RFX2: variants seen among roughly 807,000 people sequenced by gnomAD.
RFX2 encodes the protein regulatory factor X2, also known as DNA-binding protein RFX2.
RFX2 carries 20 observed loss-of-function variants against 87.8 expected under a neutral mutation model. The ratio of observed to expected loss-of-function variants is 0.23; its 90% CI spans 0.16 to 0.33. The LOEUF (loss-of-function observed/expected upper bound fraction) is 0.33. Among genes scored for constraint, RFX2 ranks in the 10% least tolerant of loss-of-function variants. RFX2 has a pLI of 1.00. For synonymous variants in RFX2, 397 were observed against 431.3 expected (o/e 0.92, Z 0.98); for missense variants, 767 against 1,012.3 (o/e 0.76, Z 3.29).
At chr19:6,025,960 A>G (rs951132162) in intron 6 of RFX2, among the ~76,000 whole-genome samples, 1 of 151,322 alleles carries the variant, frequency 6.6e-6, no homozygotes, top group Admixed American at 6.6e-5. Flanking sequence ...TAATTTTTCT[A>G]TTTTAATAGA....
chr19:6,084,794 C>T (rs1173853300), intron 1 of RFX2, among the ~76,000 whole-genome samples: 2 of 152,012 alleles, frequency 1.3e-5, no homozygotes, highest in East Asian at 3.9e-4. Flanking sequence ...GCCACCACGC[C>T]CGGCTAATTT....
At chr19:6,006,618 T>A (rs2086585909) in intron 12 of RFX2, among the ~76,000 whole-genome samples, 1 of 151,880 alleles carries the variant, frequency 6.6e-6, no homozygotes, top group Admixed American at 6.6e-5. Context: ...CCCGGCTAAA[T>A]CTTTGTATTT....
Position 6,012,853 on chromosome 19 carries a change from AGGGG to A in RFX2, c.899+129_899+132del. The A allele has an allele frequency of 1.1e-6, 1 of 876,460 alleles. No individual in the cohort carries two copies. Among genetic ancestry groups the A allele is most frequent in the African/African-American group, 1.7e-5 (1 of 58,198 alleles). 54.3% of individuals were successfully genotyped at this position (876,460 alleles called of 1,614,324 possible). A position where few individuals can be genotyped will look rare whatever the true frequency, so the allele number is the denominator to read the frequency against. Reference sequence around the variant, plus strand: ...GCTAGACTCACCTCAGTCTCAGCAGAGGGGGATACCTTGGCTTTCCCAGGATGCT... The same window carrying A: ...GCTAGACTCACCTCAGTCTCAGCAGAGATACCTTGGCTTTCCCAGGATGCT... On this transcript the variant is annotated intron_variant, in intron 8 of 17. Transcript: ENST00000303657. This position sits in a 1 kb window ranked among gnomAD's most constrained non-coding sequence, Gnocchi z 4.6.
rs2086440297 is a variant in RFX2, at chr19:5,998,034, A to G, written c.1860-821T>C. Among the ~76,000 whole-genome samples, 1 of 152,096 alleles carries G rather than the reference A, an allele frequency of 6.6e-6. No homozygotes were observed. The highest frequency in any genetic ancestry group is 2.4e-5 in the African/African-American group (1 of 41,420). ...AGTATAAGACCAAAGGGGGCTAGGC[A>G]CGGTCGCTCACACCTGTAATCCCAG... On this transcript the variant is annotated intron_variant, in intron 15 of 17. Transcript: ENST00000303657. The surrounding 1 kb of genome is among the most constrained non-coding windows in gnomAD (Gnocchi z 4.2).
At chr19:6,085,159 TGA>T (rs2087839850) in intron 1 of RFX2, among the ~76,000 whole-genome samples, 1 of 152,056 alleles carries the variant, frequency 6.6e-6, no homozygotes, top group Admixed American at 6.5e-5. Flanking sequence ...GCTATGAACA[TGA>T]GTGTACAAAT....
chr19:6,028,769 C>T (rs1599865789), intron 5 of RFX2, among the ~76,000 whole-genome samples: 1 of 151,972 alleles, frequency 6.6e-6, no homozygotes, highest in Non-Finnish European at 1.5e-5. Flanking sequence ...TAGCTGACCA[C>T]TAAGGTAACT....
chr19:6,073,667 G>C, intron 1 of RFX2: 7 of 245,614 alleles, frequency 2.9e-5, no homozygotes, highest in South Asian at 4.8e-5. Context: ...AAGAAGGAAG[G>C]CTGAATGGAT....
chr19:6,104,833 T>C (rs1205652071), intron 1 of RFX2, among the ~76,000 whole-genome samples: 1 of 151,960 alleles, frequency 6.6e-6, no homozygotes, highest in African/African-American at 2.4e-5. Context: ...GCCCTGGGGA[T>C]ATAGAAGTTA....
rs2144722148 is a variant in RFX2 at position 6,020,794 on chromosome 19, T to A, written c.598-4523A>T. Among the ~76,000 whole-genome samples the A allele has an allele frequency of 6.6e-6, 1 of 152,360 alleles. No individual in the cohort carries two copies. Among genetic ancestry groups the A allele is most frequent in the Admixed American group, 6.5e-5 (1 of 15,302 alleles). ...CTGCTTTGTCTGCTGATATTTGCAT[T>A]CTTTCTGTGTCAATATCAAACACAA... On this transcript the variant is annotated intron_variant, in intron 6 of 17. Transcript: ENST00000303657. This position sits in a 1 kb window ranked among gnomAD's most constrained non-coding sequence, Gnocchi z 5.3.
At chr19:6,019,343 C>T (rs935962248) in intron 6 of RFX2, among the ~76,000 whole-genome samples, 1 of 152,084 alleles carries the variant, frequency 6.6e-6, no homozygotes, top group African/African-American at 2.4e-5. Context: ...ACTTTCTGGA[C>T]TGGACTTTTT....
rs11390853 is a variant in RFX2 at position 6,110,236 on chromosome 19, C to CG, written c.-9+156dup. Among the ~76,000 whole-genome samples the CG allele has an allele frequency of 1, 151,816 of 151,816 alleles. 75,908 individuals carry two copies. The highest frequency in any genetic ancestry group is 1 in the Non-Finnish European group (67,850 of 67,850). ...GTCCCCCCAAACTCCGCCGCGCGCGCGGACGGGGTGGCGGAGGCGGGTCCC... is the reference window on the plus strand; with the variant it reads ...GTCCCCCCAAACTCCGCCGCGCGCGCGGGACGGGGTGGCGGAGGCGGGTCCC... On this transcript the variant is annotated intron_variant, in intron 1 of 17. Coordinates refer to ENST00000303657, the MANE Select transcript of RFX2 (RefSeq NM_000635.4). This position sits in a 1 kb window ranked among gnomAD's most constrained non-coding sequence, Gnocchi z 4.3.
At position 6,004,313 on chromosome 19, in the gene RFX2, C is replaced by T. The variant is rs1363393611; in HGVS notation, c.1403-15G>A. On this transcript the variant is annotated splice_polypyrimidine_tract_variant and intron_variant, in intron 12 of 17. Coordinates refer to ENST00000303657, the MANE Select transcript of RFX2 (RefSeq NM_000635.4). This position sits in a 1 kb window ranked among gnomAD's most constrained non-coding sequence, Gnocchi z 4.8. The stretch of plus-strand genomic sequence containing the variant: ...TGTCAAGGTACCTGGGGGATACAGA[C>T]CATGATATTACCAGGGAGAAAGGCA... 6.2e-7 allele frequency: 1 copy of T among 1,601,260 alleles called. No homozygotes were observed. Among genetic ancestry groups the T allele is most frequent in the Non-Finnish European group, 8.6e-7 (1 of 1,168,400 alleles).
chr19:6,006,988 C>T (rs534159582), intron 12 of RFX2, 24 bp downstream of exon 12: 89 of 1,611,850 alleles, frequency 5.5e-5, no homozygotes, highest in East Asian at 2.7e-4. Context: ...GGAGCAGCGC[C>T]GGGCGGGGCC....
chr19:6,036,392 C>T (rs1015064779), intron 5 of RFX2, among the ~76,000 whole-genome samples: 2 of 152,092 alleles, frequency 1.3e-5, no homozygotes, highest in Non-Finnish European at 2.9e-5. Flanking sequence ...GTCCTCAAAG[C>T]CAGGGCCTGG....
At chr19:6,107,022 G>A (rs1001023601) in intron 1 of RFX2, among the ~76,000 whole-genome samples, 30 of 151,792 alleles carry the variant, frequency 2.0e-4, no homozygotes, top group African/African-American at 3.4e-4. Flanking sequence ...CCGGCCGGGC[G>A]CGGTGGCTCA....
At position 6,016,307 on chromosome 19, in the gene RFX2, G is replaced by C; in HGVS notation, c.598-36C>G. On this transcript the variant is annotated intron_variant, in intron 6 of 17. Transcript: ENST00000303657. The surrounding 1 kb of genome is among the most constrained non-coding windows in gnomAD (Gnocchi z 5.4). ...AAAGACACGTCTGCGTTTGTCAGAA[G>C]CCTGAGGAACGCTAACATGCCAACG... is the stretch of plus-strand genomic sequence containing the variant. The C allele has an allele frequency of 6.5e-7, 1 of 1,528,110 alleles. No homozygotes were observed. Among genetic ancestry groups the C allele is most frequent in the Non-Finnish European group, 8.9e-7 (1 of 1,120,758 alleles). 94.7% of individuals were successfully genotyped at this position (1,528,110 alleles called of 1,614,324 possible).
intron 13 of RFX2, among the ~76,000 whole-genome samples, chr19:6,003,654 C>T (rs770765542): frequency 1.6e-4 from 24 of 151,828 alleles, no homozygotes; most frequent in Non-Finnish European, 3.5e-4. Flanking sequence ...TGGCGGGCAC[C>T]TGTAATCCCA....
rs1310881667 is a variant in RFX2 at position 6,045,754 on chromosome 19, C to T, written c.91-1472G>A. The stretch of plus-strand genomic sequence containing the variant: ...TGGCACGATCTCGGCTCACTATAAC[C>T]TCTGCCTCCTGGGTTCAAGCGATTC... On this transcript the variant is annotated intron_variant, in intron 2 of 17. Coordinates refer to ENST00000303657, the MANE Select transcript of RFX2 (RefSeq NM_000635.4). This position sits in a 1 kb window ranked among gnomAD's most constrained non-coding sequence, Gnocchi z 5.2. 6.6e-6 allele frequency among the ~76,000 whole-genome samples: 1 copy of T among 152,182 alleles called. No homozygotes were observed. Among genetic ancestry groups the T allele is most frequent in the Non-Finnish European group, 1.5e-5 (1 of 68,040 alleles).
chr19:6,001,686 C>T lies in RFX2; in HGVS notation c.1859+129G>A. 1 of 787,904 alleles carries T rather than the reference C, an allele frequency of 1.3e-6. No homozygotes were observed. Among genetic ancestry groups the T allele is most frequent in the Non-Finnish European group, 1.9e-6 (1 of 516,110 alleles). The allele number at this position is 787,904 out of a possible 1,614,324, so 48.8% of individuals were successfully genotyped here. A position where few individuals can be genotyped will look rare whatever the true frequency, so the allele number is the denominator to read the frequency against. ...GCCAGGTAGTTGTTTTTTGCGGGTTCAGACACTGCTGCAACTCTGCTGAGC... is the reference window on the plus strand; with the variant it reads ...GCCAGGTAGTTGTTTTTTGCGGGTTTAGACACTGCTGCAACTCTGCTGAGC... On this transcript the variant is annotated intron_variant, in intron 15 of 17. Coordinates refer to ENST00000303657, the MANE Select transcript of RFX2 (RefSeq NM_000635.4). The surrounding 1 kb of genome is among the most constrained non-coding windows in gnomAD (Gnocchi z 5.6).
Sources: gnomAD v4.1 joint callset for allele counts (sites outside exome capture counted in the v4.1 genomes callset) on GRCh38, gnomAD v4.1.1 for gene constraint, Gnocchi (gnomAD v3.1) non-coding constraint, MANE v1.5 for transcripts, NCBI Gene and HGNC (gene_info 2026-07-23, HGNC 2026-07-21) for gene names.